The following REDIC1 variants were observed in gnomAD, a reference collection of about 807,000 sequenced individuals.
The protein encoded by REDIC1 is regulator of DNA class I crossover intermediates 1, also known as HEI10 Interacting Protein 1.
At chr12:39,801,394 A>G in the REDIC1 span, among the ~76,000 whole-genome samples, 8 of 151,580 alleles carry the variant, frequency 5.3e-5, no homozygotes, top group African/African-American at 1.5e-4. Context: ...TAGCAAAGGC[A>G]TAAACAAAAC....
the REDIC1 span, among the ~76,000 whole-genome samples, chr12:39,737,908 G>C: frequency 6.6e-6 from 1 of 152,152 alleles, no homozygotes; most frequent in Non-Finnish European, 1.5e-5. Context: ...GTTCACATTT[G>C]AGTGTCCATA....
the REDIC1 span, chr12:39,759,904 A>G: frequency 1.5e-6 from 1 of 677,042 alleles, no homozygotes; most frequent in Non-Finnish European, 2.5e-6. Context: ...ATTCTAGAAT[A>G]TGAAGTCAAT....
chr12:39,766,336 A>G, the REDIC1 span, among the ~76,000 whole-genome samples: 1 of 152,210 alleles, frequency 6.6e-6, no homozygotes, highest in South Asian at 2.1e-4. Context: ...TTATGTTCCC[A>G]TGAAAGTGCA....
the REDIC1 span, chr12:39,829,861 C>G: frequency 2.0e-6 from 1 of 498,576 alleles, no homozygotes; most frequent in Non-Finnish European, 3.6e-6. Context: ...AAGATCCAAA[C>G]TCCTATACCT....
At chr12:39,871,752 A>G in the REDIC1 span, 4 of 1,527,192 alleles carry the variant, frequency 2.6e-6, no homozygotes, top group Admixed American at 2.1e-5. Flanking sequence ...ACTTGAAGTT[A>G]TTAGGAAATA....
chr12:39,725,223 C>T, the REDIC1 span, among the ~76,000 whole-genome samples: 1 of 152,130 alleles, frequency 6.6e-6, no homozygotes, highest in Non-Finnish European at 1.5e-5. Context: ...CTTCCAAATG[C>T]TGACAAAATA....
the REDIC1 span, among the ~76,000 whole-genome samples, chr12:39,762,179 A>G: frequency 1.3e-5 from 2 of 152,058 alleles, no homozygotes; most frequent in African/African-American, 4.8e-5. Flanking sequence ...GAGTGTGGGC[A>G]GACCTGGGAG....
At chr12:39,691,837 T>G in the REDIC1 span, among the ~76,000 whole-genome samples, 1 of 152,134 alleles carries the variant, frequency 6.6e-6, no homozygotes, top group Non-Finnish European at 1.5e-5. Flanking sequence ...CAAGTGTCTA[T>G]TCTGTTGCTT....
At chr12:39,684,917 G>C in the REDIC1 span, 1 of 1,611,148 alleles carries the variant, frequency 6.2e-7, no homozygotes, top group East Asian at 2.2e-5. Context: ...TGGGACTTTG[G>C]ACTTGATGAG....
chr12:39,883,512 C>T, the REDIC1 span, among the ~76,000 whole-genome samples: 33 of 152,056 alleles, frequency 2.2e-4, no homozygotes, highest in Non-Finnish European at 3.4e-4. Context: ...CCAAACAGGA[C>T]GGAAAAAGGT....
chr12:39,760,048 T>C, the REDIC1 span: 1 of 1,612,314 alleles, frequency 6.2e-7, no homozygotes, highest in Non-Finnish European at 8.5e-7. Context: ...AGAAGCATCA[T>C]TGTCAGAAAG....
the REDIC1 span, among the ~76,000 whole-genome samples, chr12:39,702,206 AAG>A: frequency 6.6e-6 from 1 of 152,200 alleles, no homozygotes; most frequent in African/African-American, 2.4e-5. Context: ...CTAATAAAAA[AAG>A]AGAGAGGAAT....
At chr12:39,801,907 A>G in the REDIC1 span, among the ~76,000 whole-genome samples, 2 of 152,218 alleles carry the variant, frequency 1.3e-5, no homozygotes, top group Non-Finnish European at 2.9e-5. Flanking sequence ...TTATTGAACC[A>G]GGCACCATTC....
the REDIC1 span, among the ~76,000 whole-genome samples, chr12:39,672,254 T>A: frequency 6.6e-6 from 1 of 152,058 alleles, no homozygotes; most frequent in African/African-American, 2.4e-5. Flanking sequence ...GGTGGGCCTG[T>A]TCTCAGGGCC....
chr12:39,656,834 A>T, the REDIC1 span, among the ~76,000 whole-genome samples: 1 of 152,294 alleles, frequency 6.6e-6, no homozygotes, highest in South Asian at 2.1e-4. Flanking sequence ...AAAAAATTTA[A>T]AAATAGAAAA....
chr12:39,738,620 A>G, the REDIC1 span, among the ~76,000 whole-genome samples: 3 of 152,228 alleles, frequency 2.0e-5, no homozygotes, highest in Non-Finnish European at 2.9e-5. Flanking sequence ...AATGAGTACA[A>G]AAATATCTTT....
the REDIC1 span, among the ~76,000 whole-genome samples, chr12:39,783,362 T>A: frequency 6.6e-6 from 1 of 152,208 alleles, no homozygotes; most frequent in African/African-American, 2.4e-5. Flanking sequence ...GCAGCATGAT[T>A]TATAATTCTT....
the REDIC1 span, among the ~76,000 whole-genome samples, chr12:39,653,539 T>TTCTTCTTCTTCTTC: frequency 1.5e-3 from 86 of 56,108 alleles, 6 homozygotes; most frequent in African/African-American, 4.8e-3. Flanking sequence ...TCTTCTTCTT[T>TTCTTCTTCTTCTTC]TTCTTCTTCT....
chr12:39,861,520 G>A, the REDIC1 span, among the ~76,000 whole-genome samples: 1 of 152,144 alleles, frequency 6.6e-6, no homozygotes, highest in African/African-American at 2.4e-5. Context: ...AATACGTCAA[G>A]TATTTGAGGG....
Sources: allele counts gnomAD v4.1 joint callset (sites outside exome capture counted in the v4.1 genomes callset), GRCh38; gene constraint gnomAD v4.1.1; transcripts MANE v1.5; gene names NCBI Gene and HGNC (gene_info 2026-07-23, HGNC 2026-07-21).